The following PDE4D variants were observed in gnomAD, a reference collection of about 807,000 sequenced individuals.
PDE4D encodes the protein phosphodiesterase 4D, also known as 3',5'-cyclic-AMP phosphodiesterase 4D.
PDE4D carries 24 observed loss-of-function variants against 87.4 expected under a neutral mutation model. That is an observed-to-expected ratio of 0.27 (90% CI 0.20 to 0.39). The LOEUF is 0.39. PDE4D is among the 10% of genes least tolerant of loss of function. PDE4D has a pLI of 1.00. For missense variants in PDE4D, 714 were observed against 1,041.0 expected (o/e 0.69, Z 4.32); for synonymous variants, 384 against 383.2 (o/e 1.00, Z -0.02).
At chr5:59,122,141 C>CAAAAAAAAAA (rs56284898) in intron 5 of PDE4D, among the ~76,000 whole-genome samples, 3 of 71,586 alleles carry the variant, frequency 4.2e-5, no homozygotes, top group East Asian at 5.5e-4. Context: ...GACTCTATCT[C>CAAAAAAAAAA]AAAAAAAAAA....
intron 1 of PDE4D, among the ~76,000 whole-genome samples, chr5:59,476,832 C>T (rs774221283): frequency 1.3e-5 from 2 of 151,942 alleles, no homozygotes; most frequent in African/African-American, 2.4e-5. Flanking sequence ...AAATAAATAT[C>T]CTGTTCTAAA....
intron 1 of PDE4D, chr5:60,185,786 A>T (rs953139813): frequency 5.9e-5 from 28 of 476,864 alleles, no homozygotes; most frequent in Non-Finnish European, 1.1e-4. Flanking sequence ...TAAATAATTC[A>T]TCGGAACAGG....
chr5:59,834,470 C>A (rs540315941), intron 1 of PDE4D, among the ~76,000 whole-genome samples: 2 of 152,046 alleles, frequency 1.3e-5, no homozygotes, highest in Admixed American at 6.6e-5. Context: ...TACAGGGAAC[C>A]ATTTAAAATG....
At chr5:59,968,495 T>C (rs1203020460) in intron 3 of PDE4D, among the ~76,000 whole-genome samples, 1 of 152,120 alleles carries the variant, frequency 6.6e-6, no homozygotes, top group Non-Finnish European at 1.5e-5. Flanking sequence ...ATCAGGGTAA[T>C]GGGATATACC....
chr5:60,153,320 A>G (rs903575350), intron 2 of PDE4D, among the ~76,000 whole-genome samples: 2 of 152,224 alleles, frequency 1.3e-5, no homozygotes, highest in Admixed American at 6.5e-5. Flanking sequence ...CAAAACCACA[A>G]TATCACCTCA....
chr5:59,602,771 T>G (rs773480234), intron 1 of PDE4D, among the ~76,000 whole-genome samples: 7 of 152,088 alleles, frequency 4.6e-5, no homozygotes, highest in Non-Finnish European at 7.4e-5. Flanking sequence ...GGCATCACAT[T>G]ACCTGACTTC....
At chr5:59,220,735 G>A (rs576477249) in intron 1 of PDE4D, among the ~76,000 whole-genome samples, 8 of 151,260 alleles carry the variant, frequency 5.3e-5, no homozygotes, top group African/African-American at 1.9e-4. Context: ...AATAAAACAA[G>A]AAGGTGATGA....
chr5:59,972,054 A>T (rs1359654488), intron 3 of PDE4D, among the ~76,000 whole-genome samples: 1 of 152,182 alleles, frequency 6.6e-6, no homozygotes, highest in Non-Finnish European at 1.5e-5. Context: ...CACTGTCAGC[A>T]GCTACAACAG....
chr5:59,501,829 G>A (rs773855548), intron 1 of PDE4D, among the ~76,000 whole-genome samples: 1 of 152,138 alleles, frequency 6.6e-6, no homozygotes, highest in Non-Finnish European at 1.5e-5. Flanking sequence ...GGCTGAGGCT[G>A]AGCTGCTAAT....
chr5:60,145,067 C>G (rs1780874677), intron 2 of PDE4D, among the ~76,000 whole-genome samples: 1 of 152,150 alleles, frequency 6.6e-6, no homozygotes, highest in African/African-American at 2.4e-5. Flanking sequence ...ATATTCTCAC[C>G]TAACTTTATC....
At chr5:59,869,871 C>G (rs1747568174) in intron 1 of PDE4D, among the ~76,000 whole-genome samples, 1 of 152,160 alleles carries the variant, frequency 6.6e-6, no homozygotes, top group East Asian at 1.9e-4. Context: ...TCCTCTGGTT[C>G]TAAAAGTTTT....
chr5:60,183,024 T>C (rs941286820), intron 2 of PDE4D, among the ~76,000 whole-genome samples: 2 of 152,180 alleles, frequency 1.3e-5, no homozygotes, highest in African/African-American at 2.4e-5. Context: ...TTAGATGAAT[T>C]CATGAAGGTG....
In PDE4D at chr5:60,187,898, A is replaced by G. The variant is rs553046518; in HGVS notation, c.-89-2211T>C. Among the ~76,000 whole-genome samples the G allele has an allele frequency of 1.6e-4, 24 of 152,370 alleles. No individual in the cohort carries two copies. The East Asian group carries it at 4.2e-3, about 27-fold the overall frequency. ...ATTTATCTGAACTTTTTCCAGATCT[A>G]CAAAAGAAAGATAATAATACACATA... On this transcript the variant is annotated intron_variant, in intron 1 of 16. Transcript: ENST00000502484.
intron 2 of PDE4D, among the ~76,000 whole-genome samples, chr5:59,195,131 C>A (rs1210400918): frequency 2.0e-5 from 3 of 152,122 alleles, no homozygotes; most frequent in Non-Finnish European, 4.4e-5. Flanking sequence ...AACTACCCAG[C>A]CTCTAGAACT....
At chr5:59,032,332 A>C (rs1002626886) in intron 6 of PDE4D, among the ~76,000 whole-genome samples, 1 of 152,252 alleles carries the variant, frequency 6.6e-6, no homozygotes, top group Non-Finnish European at 1.5e-5. Context: ...ACAAAATCCC[A>C]GCACTGTGGG....
chr5:59,715,124 T>C (rs998952494), intron 1 of PDE4D, among the ~76,000 whole-genome samples: 15 of 152,366 alleles, frequency 9.8e-5, no homozygotes, highest in Non-Finnish European at 2.1e-4. Context: ...CAGGCTACAG[T>C]TGTCGTGTAG....
intron 2 of PDE4D, among the ~76,000 whole-genome samples, chr5:60,046,078 C>T (rs923184501): frequency 2.6e-5 from 4 of 152,190 alleles, no homozygotes; most frequent in Non-Finnish European, 5.9e-5. Context: ...AGAGGTCCTT[C>T]ACATCCCTTG....
intron 1 of PDE4D, among the ~76,000 whole-genome samples, chr5:60,424,587 G>A (rs1336731644): frequency 6.6e-6 from 1 of 152,144 alleles, no homozygotes; most frequent in African/African-American, 2.4e-5. Context: ...TACTGAATGG[G>A]CAAAAACTAG....
chr5:59,800,078 A>C (rs1161744962), intron 1 of PDE4D, among the ~76,000 whole-genome samples: 1 of 152,198 alleles, frequency 6.6e-6, no homozygotes, highest in Admixed American at 6.5e-5. Flanking sequence ...TGTGGAAGAA[A>C]GGTCTGTGTT....
Sources: gnomAD v4.1 joint callset for allele counts (sites outside exome capture counted in the v4.1 genomes callset) on GRCh38, gnomAD v4.1.1 for gene constraint, MANE v1.5 for transcripts, NCBI Gene and HGNC (gene_info 2026-07-23, HGNC 2026-07-21) for gene names.